CCDC149: variants seen among roughly 807,000 people sequenced by gnomAD.
CCDC149 encodes coiled-coil domain containing 149.
CCDC149 carries 45 observed loss-of-function variants against 59.9 expected under a neutral mutation model. The observed-to-expected ratio is 0.75, with a 90% confidence interval of 0.59 to 0.96. CCDC149 has a LOEUF of 0.96. Among genes scored for constraint, CCDC149 ranks in the 40% least tolerant of loss-of-function variants. CCDC149 has a pLI of 0.00. For synonymous variants in CCDC149, 245 were observed against 260.6 expected, an observed-to-expected ratio of 0.94 and a Z score of 0.58; for missense variants, 584 against 664.7, an observed-to-expected ratio of 0.88 and a Z score of 1.33.
chr4:24,915,910 A>G (rs903338722), upstream of CCDC149, among the ~76,000 whole-genome samples: 7 of 152,266 alleles, frequency 4.6e-5, no homozygotes, highest in African/African-American at 1.7e-4. Flanking sequence ...AGGCCTCTAG[A>G]CACCTCATCA....
intron 1 of CCDC149, among the ~76,000 whole-genome samples, chr4:24,893,036 C>T (rs935383423): frequency 7.9e-5 from 12 of 152,268 alleles, no homozygotes; most frequent in Non-Finnish European, 1.6e-4. Context: ...ACATTAAATC[C>T]TTTCATGAGG....
intron 9 of CCDC149, among the ~76,000 whole-genome samples, chr4:24,824,226 G>A (rs1370664181): frequency 2.0e-5 from 3 of 152,200 alleles, no homozygotes; most frequent in African/African-American, 4.8e-5. Flanking sequence ...GAAATGGAAC[G>A]AAGTGAATTT....
At chr4:24,943,506 G>T (rs913206147) in intron 1 of CCDC149, among the ~76,000 whole-genome samples, 7 of 152,082 alleles carry the variant, frequency 4.6e-5, no homozygotes, top group Non-Finnish European at 8.8e-5. Flanking sequence ...ATAGGCATGG[G>T]CAGGGACTTC....
intron 1 of CCDC149, among the ~76,000 whole-genome samples, chr4:24,971,624 G>GTAGAAC (rs1723974300): frequency 6.6e-6 from 1 of 152,218 alleles, no homozygotes; most frequent in Non-Finnish European, 1.5e-5. Context: ...AGCTGTCTAT[G>GTAGAAC]ATTCCTCGAA....
chr4:24,891,513 A>C (rs1720527171), intron 1 of CCDC149, among the ~76,000 whole-genome samples: 1 of 152,214 alleles, frequency 6.6e-6, no homozygotes, highest in African/African-American at 2.4e-5. Context: ...AGAACATTTG[A>C]CCACCACCAT....
chr4:24,884,939 T>C (rs967836173), intron 1 of CCDC149, among the ~76,000 whole-genome samples: 26 of 152,104 alleles, frequency 1.7e-4, no homozygotes, highest in African/African-American at 5.3e-4. Context: ...GGTAGAGGGA[T>C]ACATCTTGGT....
Position 24,860,366 on chromosome 4 carries a change from G to C in CCDC149, c.265-7187C>G, listed in dbSNP as rs751952963. ...GGAAAGGACACCCTATTCAACAAAC[G>C]GTGCTGTGATAATTGGAAAGGCGCA... On this transcript the variant is annotated intron_variant, in intron 3 of 12. Transcript: ENST00000635206. Among the ~76,000 whole-genome samples, 9 of 152,240 alleles carry C rather than the reference G, an allele frequency of 5.9e-5. 1 individual carries two copies. In the South Asian group the frequency reaches 1.9e-3, roughly 32 times the overall value.
intron 3 of CCDC149, among the ~76,000 whole-genome samples, chr4:24,856,337 C>T (rs574602400): frequency 1.4e-4 from 21 of 152,142 alleles, no homozygotes; most frequent in Non-Finnish European, 2.5e-4. Flanking sequence ...AAACTGACAT[C>T]GAATGGGTGA....
intron 1 of CCDC149, among the ~76,000 whole-genome samples, chr4:24,971,171 C>T (rs573205851): frequency 3.3e-5 from 5 of 152,318 alleles, no homozygotes; most frequent in African/African-American, 1.2e-4. Flanking sequence ...ACTGACGACC[C>T]CCTACAGAGT....
chr4:24,954,385 G>C (rs1723403805), intron 1 of CCDC149, among the ~76,000 whole-genome samples: 1 of 152,248 alleles, frequency 6.6e-6, no homozygotes, highest in African/African-American at 2.4e-5. Context: ...TTTTGTGCTA[G>C]TGAGGGCTCT....
chr4:24,846,588 T>G (rs1717303350), intron 4 of CCDC149, among the ~76,000 whole-genome samples: 1 of 152,216 alleles, frequency 6.6e-6, no homozygotes, highest in Non-Finnish European at 1.5e-5. Context: ...CTTAATTGGT[T>G]TGCTCACCAA....
intron 3 of CCDC149, 171 bp from the exon 4 acceptor site, chr4:24,853,350 G>C: frequency 1.7e-6 from 1 of 597,338 alleles, no homozygotes. Context: ...CCACTACAAT[G>C]GCACGCAGGA....
downstream of CCDC149, among the ~76,000 whole-genome samples, chr4:24,805,567 C>T (rs899592528): frequency 6.6e-6 from 1 of 152,150 alleles, no homozygotes. Context: ...GAATGTCTAG[C>T]GACAGGGCCC....
Position 24,977,698 on chromosome 4 carries a change from C to T in CCDC149, c.-65+2371G>A, listed in dbSNP as rs556947273. ...AAAGAGGATAAAATAGCTTAACCTC[C>T]CCTAAGGCATTACCAATACAGGGAT... On this transcript the variant is annotated intron_variant, in intron 1 of 12. Transcript: ENST00000389609. Among the ~76,000 whole-genome samples the T allele has an allele frequency of 5.9e-5, 9 of 152,302 alleles. No homozygotes were observed. In the East Asian group the frequency reaches 1.7e-3, roughly 29 times the overall value.
chr4:24,975,039 T>A (rs1029349546), intron 1 of CCDC149, among the ~76,000 whole-genome samples: 1 of 152,078 alleles, frequency 6.6e-6, no homozygotes, highest in Non-Finnish European at 1.5e-5. Flanking sequence ...GGATTAAAGG[T>A]CTTATAAAAT....
chr4:24,839,430 C>A (rs1333506947), intron 4 of CCDC149, among the ~76,000 whole-genome samples: 1 of 152,194 alleles, frequency 6.6e-6, no homozygotes, highest in African/African-American at 2.4e-5. Flanking sequence ...CCGCCTGCCT[C>A]AGCCTCCCAA....
intron 1 of CCDC149, among the ~76,000 whole-genome samples, chr4:24,923,516 G>C (rs568622867): frequency 2.1e-4 from 32 of 152,298 alleles, no homozygotes; most frequent in African/African-American, 7.5e-4. Context: ...GATCTAATAG[G>C]GAATCTAAGT....
At chr4:24,969,999 T>G (rs1723913701) in intron 1 of CCDC149, among the ~76,000 whole-genome samples, 1 of 152,128 alleles carries the variant, frequency 6.6e-6, no homozygotes, top group Admixed American at 6.5e-5. Context: ...TATTATGAGC[T>G]CCCCATGACT....
At chr4:24,921,305 C>T (rs548990113) in intron 1 of CCDC149, among the ~76,000 whole-genome samples, 1 of 152,308 alleles carries the variant, frequency 6.6e-6, no homozygotes, top group South Asian at 2.1e-4. Context: ...ACCTGGAAGG[C>T]CCTATTGGTC....
Sources: allele counts gnomAD v4.1 joint callset (sites outside exome capture counted in the v4.1 genomes callset), GRCh38; gene constraint gnomAD v4.1.1; transcripts MANE v1.5; gene names NCBI Gene and HGNC (gene_info 2026-07-23, HGNC 2026-07-21).